MICAL2: variants seen among roughly 807,000 people sequenced by gnomAD.
MICAL2 encodes microtubule associated monooxygenase, calponin and LIM domain containing 2.
In MICAL2, 77 loss-of-function variants were observed where a neutral mutation model predicts 127.3. The ratio of observed to expected loss-of-function variants is 0.60; its 90% CI spans 0.50 to 0.73. The LOEUF is 0.73. Among genes scored for constraint, MICAL2 ranks in the 30% least tolerant of loss-of-function variants. MICAL2 has a pLI of 0.00. For missense variants in MICAL2, 1,351 were observed against 1,434.4 expected, an observed-to-expected ratio of 0.94 and a Z score of 0.94; for synonymous variants, 570 against 551.1, an observed-to-expected ratio of 1.03 and a Z score of -0.48.
At chr11:12,281,625 T>A (rs1440972809) in intron 2 of MICAL2, among the ~76,000 whole-genome samples, 1 of 152,332 alleles carries the variant, frequency 6.6e-6, no homozygotes, top group East Asian at 1.9e-4. Context: ...ACACTTTTAC[T>A]GCATACCTGT....
Position 12,242,221 on chromosome 11 carries a change from CTG to C in MICAL2, c.2348_2349del (p.Val783GlyfsTer18). ...ATTTTCCCTCTTTCCCAGTTCCCCTCTGTGGTCGTGACGGGGCACGTGCTCAG... is the reference window on the plus strand; with the variant it reads ...ATTTTCCCTCTTTCCCAGTTCCCCTCTGGTCGTGACGGGGCACGTGCTCAG... On this transcript the variant is annotated frameshift_variant, in exon 19 of 28. Transcript: ENST00000683283. LOFTEE classifies it high-confidence loss of function. 1 of 1,606,000 alleles carries C rather than the reference CTG, an allele frequency of 6.2e-7. No individual in the cohort carries two copies. Among genetic ancestry groups the C allele is most frequent in the Non-Finnish European group, 8.5e-7 (1 of 1,173,708 alleles).
Position 12,324,657 on chromosome 11 carries a change from A to G in MICAL2, c.5421+587A>G, listed in dbSNP as rs80161520. ...CTGAGGAACCCAAGCCTAGTCTTGA[A>G]CAAGAGTTGGGTTTTAGGATACACG... On this transcript the variant is annotated intron_variant, in intron 31 of 34. Coordinates refer to the MICAL2 transcript ENST00000646065. 5.0e-3 allele frequency among the ~76,000 whole-genome samples: 768 copies of G among 152,346 alleles called. 8 individuals carry two copies. Among genetic ancestry groups the G allele is most frequent in the African/African-American group, 0.017 (709 of 41,578 alleles).
intron 20 of MICAL2, chr11:12,243,047 G>A (rs577131238): frequency 4.9e-5 from 14 of 284,740 alleles, no homozygotes; most frequent in South Asian, 3.6e-4. Context: ...AGCACAAGCC[G>A]GTAGACCCTA....
chr11:12,141,540 A>G (rs1852353124), intron 2 of MICAL2, among the ~76,000 whole-genome samples: 1 of 152,218 alleles, frequency 6.6e-6, no homozygotes, highest in Non-Finnish European at 1.5e-5. Context: ...GAGTGCAGAT[A>G]AGAACTTCCT....
rs1859563516 is a variant in MICAL2, at chr11:12,239,468, C to A, written c.2097C>A (p.Ser699=). The A allele has an allele frequency of 3.7e-6, 6 of 1,614,062 alleles. No homozygotes were observed. In the South Asian group the frequency reaches 6.6e-5, roughly 18 times the overall value. ...ACTTTTCCAGCCGTAGCTTGGGCTC[C>A]AATCAAGAGTGTGGGAGCAGTAAGG... ...PSNFSSRSLG[S]NQECGSSKEG... is the part of the protein sequence containing the mutation. The change falls in exon 17 of 28, where the codon TCC becomes TCA. Residue 699 remains serine, a synonymous_variant. Transcript: ENST00000683283.
chr11:12,246,802 T>C (rs1480949395), intron 21 of MICAL2, among the ~76,000 whole-genome samples: 1 of 152,216 alleles, frequency 6.6e-6, no homozygotes, highest in Admixed American at 6.5e-5. Context: ...AAATCCATTG[T>C]TAGGCATTTC....
At chr11:12,278,426 T>C (rs374358633) in intron 1 of MICAL2, among the ~76,000 whole-genome samples, 18 of 152,352 alleles carry the variant, frequency 1.2e-4, no homozygotes, top group East Asian at 9.6e-4. Context: ...TTCCCTACGA[T>C]GTTAACAAGG....
downstream of MICAL2, among the ~76,000 whole-genome samples, chr11:12,267,057 T>C (rs1863616708): frequency 2.0e-5 from 3 of 152,236 alleles, no homozygotes; most frequent in Admixed American, 6.5e-5. Flanking sequence ...GGTGGCACCA[T>C]CTGCTTTCCT....
chr11:12,336,043 C>G (rs1792015696), intron 32 of MICAL2, among the ~76,000 whole-genome samples: 1 of 152,166 alleles, frequency 6.6e-6, no homozygotes, highest in African/African-American at 2.4e-5. Context: ...TTACCTTAGG[C>G]AGTATGGCCA....
intron 29 of MICAL2, among the ~76,000 whole-genome samples, chr11:12,314,756 G>A (rs1382810230): frequency 6.6e-6 from 1 of 151,490 alleles, no homozygotes; most frequent in Non-Finnish European, 1.5e-5. Context: ...AAAGTGCTGG[G>A]ATTACAGATT....
chr11:12,203,969 C>T (rs1590334231), intron 3 of MICAL2, among the ~76,000 whole-genome samples: 1 of 152,214 alleles, frequency 6.6e-6, no homozygotes, highest in East Asian at 1.9e-4. Flanking sequence ...CAACCCAGTT[C>T]ACTTTGACTC....
In MICAL2 at chr11:12,123,356, C is replaced by G. The variant is rs547951737; in HGVS notation, c.-149+12630C>G. On this transcript the variant is annotated intron_variant, in intron 1 of 27. Coordinates refer to ENST00000683283, the MANE Select transcript of MICAL2 (RefSeq NM_001282663.2). ...CCATGGTTTTCTGACTCACTGTTCT[C>G]TTCTAGTCAGGTGGGGATGTATTTC... is the stretch of plus-strand genomic sequence containing the variant. Among the ~76,000 whole-genome samples, 5 of 152,298 alleles carry G rather than the reference C, an allele frequency of 3.3e-5. No individual in the cohort carries two copies. The South Asian group carries it at 1.0e-3, about 32-fold the overall frequency.
intron 34 of MICAL2, among the ~76,000 whole-genome samples, chr11:12,356,720 G>C (rs1939134118): frequency 6.6e-6 from 1 of 152,162 alleles, no homozygotes; most frequent in Non-Finnish European, 1.5e-5. Flanking sequence ...TGCCCCATGG[G>C]GGAACCCTGT....
chr11:12,281,557 G>A (rs558293788), intron 2 of MICAL2, among the ~76,000 whole-genome samples: 1 of 152,284 alleles, frequency 6.6e-6, no homozygotes, highest in Non-Finnish European at 1.5e-5. Context: ...CAGCACCGGG[G>A]CCATTACCAG....
At chr11:12,345,121 A>G (rs1248543100) in intron 32 of MICAL2, among the ~76,000 whole-genome samples, 2 of 151,906 alleles carry the variant, frequency 1.3e-5, no homozygotes, top group Non-Finnish European at 2.9e-5. Flanking sequence ...CATCTCAAAA[A>G]AAAAAAGAAA....
intron 32 of MICAL2, among the ~76,000 whole-genome samples, chr11:12,333,198 A>G (rs1273941567): frequency 1.3e-5 from 2 of 152,246 alleles, no homozygotes; most frequent in Non-Finnish European, 2.9e-5. Context: ...ATAAAAGAAT[A>G]TAACAAACAC....
chr11:12,133,273 G>C (rs1265302167), intron 1 of MICAL2, among the ~76,000 whole-genome samples: 1 of 152,036 alleles, frequency 6.6e-6, no homozygotes, highest in Non-Finnish European at 1.5e-5. Flanking sequence ...GTAGAGATGG[G>C]GTTTCACCAT....
intron 3 of MICAL2, among the ~76,000 whole-genome samples, chr11:12,186,910 G>T (rs551785306): frequency 6.6e-6 from 1 of 152,318 alleles, no homozygotes; most frequent in South Asian, 2.1e-4. Flanking sequence ...GAGCAGCTGG[G>T]CTGTGTACCC....
intron 31 of MICAL2, among the ~76,000 whole-genome samples, chr11:12,326,855 A>G (rs556873677): frequency 6.6e-6 from 1 of 152,354 alleles, no homozygotes; most frequent in African/African-American, 2.4e-5. Context: ...GTTAGGAGCC[A>G]TGATGACTGC....
Sources: gnomAD v4.1 joint callset for allele counts (sites outside exome capture counted in the v4.1 genomes callset) on GRCh38, gnomAD v4.1.1 for gene constraint, MANE v1.5 for transcripts, NCBI Gene and HGNC (gene_info 2026-07-23, HGNC 2026-07-21) for gene names.